The following PRKN variants were observed in gnomAD, a reference collection of about 807,000 sequenced individuals.
PRKN encodes the protein parkin RBR E3 ubiquitin protein ligase, also known as E3 ubiquitin-protein ligase parkin.
Under a neutral mutation model 59.5 loss-of-function variants are expected in PRKN, and 56 were observed. That is an observed-to-expected ratio of 0.94 (90% CI 0.76 to 1.18). PRKN has a LOEUF of 1.18. PRKN is among the 50% of genes most tolerant of loss of function. The probability of loss-of-function intolerance (pLI) is 0.00; values close to 1 mark genes in which losing one functional copy is unlikely to be tolerated. For synonymous variants in PRKN, 250 were observed against 222.1 expected (o/e 1.13, Z -1.12); for missense variants, 657 against 596.4 (o/e 1.10, Z -1.06).
chr6:162,099,449 C>A (rs1240214201), intron 4 of PRKN, among the ~76,000 whole-genome samples: 1 of 152,152 alleles, frequency 6.6e-6, no homozygotes, highest in Admixed American at 6.5e-5. Flanking sequence ...TTCTTCAGAA[C>A]CTATGAATAT....
intron 1 of PRKN, among the ~76,000 whole-genome samples, chr6:162,676,156 A>C (rs960686591): frequency 6.6e-6 from 1 of 152,226 alleles, no homozygotes; most frequent in Non-Finnish European, 1.5e-5. Context: ...CAGTTATCAC[A>C]AAGTCAGAAG....
rs996901468 is a variant in PRKN at position 162,155,926 on chromosome 6, G to A, written c.534+45205C>T. Among the ~76,000 whole-genome samples the A allele has an allele frequency of 2.6e-5, 4 of 152,074 alleles. No homozygotes were observed. The East Asian group carries it at 7.7e-4, about 29-fold the overall frequency. ...CATAGAATAAGGTACAATGTCTAAA[G>A]AATGCAAAAGGATGGAGGAGCCCAG... is the stretch of plus-strand genomic sequence containing the variant. On this transcript the variant is annotated intron_variant, in intron 4 of 11. Coordinates refer to ENST00000366898, the MANE Select transcript of PRKN (RefSeq NM_004562.3).
chr6:161,476,709 C>T (rs1265584121), intron 9 of PRKN, among the ~76,000 whole-genome samples: 1 of 152,184 alleles, frequency 6.6e-6, no homozygotes, highest in Non-Finnish European at 1.5e-5. Context: ...GGTTTAGTCA[C>T]ACAGTGATCG....
At chr6:162,562,102 G>C (rs1362095898) in intron 1 of PRKN, among the ~76,000 whole-genome samples, 1 of 152,094 alleles carries the variant, frequency 6.6e-6, no homozygotes, top group Non-Finnish European at 1.5e-5. Flanking sequence ...TTGGATACTA[G>C]CTTAGCCACA....
At chr6:161,570,146 A>ATATAT (rs1554277876) in intron 7 of PRKN, among the ~76,000 whole-genome samples, 51 of 76,582 alleles carry the variant, frequency 6.7e-4, no homozygotes, top group African/African-American at 3.4e-3. Context: ...AAAAAAAAAA[A>ATATAT]ATATATATAT....
intron 4 of PRKN, among the ~76,000 whole-genome samples, chr6:162,161,229 C>A (rs1286930234): frequency 8.5e-5 from 13 of 152,146 alleles, no homozygotes. Flanking sequence ...ATGCGATCCC[C>A]AGAAATCTAG....
Position 161,575,494 on chromosome 6 carries a change from T to C in PRKN, c.872-6078A>G, listed in dbSNP as rs543473858. On this transcript the variant is annotated intron_variant, in intron 7 of 11. Coordinates refer to ENST00000366898, the MANE Select transcript of PRKN (RefSeq NM_004562.3). The surrounding 1 kb of genome is among the most constrained non-coding windows in gnomAD (Gnocchi z 4.6). ...CGGTGAATTTCCTCAACAATCATGC[T>C]GTAAAGTAGGGAAAACTCATTTGGA... 3.9e-4 allele frequency among the ~76,000 whole-genome samples: 59 copies of C among 152,334 alleles called. No individual in the cohort carries two copies. Among genetic ancestry groups the C allele is most frequent in the Non-Finnish European group, 6.3e-4 (43 of 68,034 alleles).
In PRKN at chr6:161,428,721, T is replaced by C. The variant is rs1416577102; in HGVS notation, c.1084-41844A>G. Among the ~76,000 whole-genome samples, 1 of 152,212 alleles carries C rather than the reference T, an allele frequency of 6.6e-6. No homozygotes were observed. Among genetic ancestry groups the C allele is most frequent in the Non-Finnish European group, 1.5e-5 (1 of 68,036 alleles). The stretch of plus-strand genomic sequence containing the variant: ...CAACCAAAAAAAGCACATTCACATT[T>C]TTTTTCTTTCATTTTTCTGCCTGAG... On this transcript the variant is annotated intron_variant, in intron 9 of 11. Coordinates refer to ENST00000366898, the MANE Select transcript of PRKN (RefSeq NM_004562.3). The surrounding 1 kb of genome is among the most constrained non-coding windows in gnomAD (Gnocchi z 4.0).
In PRKN at chr6:161,471,746, C is replaced by T. The variant is rs989505593; in HGVS notation, c.1083+77108G>A. On this transcript the variant is annotated intron_variant, in intron 9 of 11. Coordinates refer to ENST00000366898, the MANE Select transcript of PRKN (RefSeq NM_004562.3). This position sits in a 1 kb window ranked among gnomAD's most constrained non-coding sequence, Gnocchi z 4.5. Reference sequence around the variant, plus strand: ...AATCCCAGTACTAGAATATATGTAACAGCTATATTGGCTGTGGGAGTTATA... The same window carrying T: ...AATCCCAGTACTAGAATATATGTAATAGCTATATTGGCTGTGGGAGTTATA... Among the ~76,000 whole-genome samples the T allele has an allele frequency of 6.6e-6, 1 of 152,152 alleles. No individual in the cohort carries two copies. Among genetic ancestry groups the T allele is most frequent in the Non-Finnish European group, 1.5e-5 (1 of 68,012 alleles).
At position 161,402,533 on chromosome 6, in the gene PRKN, C is replaced by T. The variant is rs1787095362; in HGVS notation, c.1084-15656G>A. Among the ~76,000 whole-genome samples, 1 of 152,054 alleles carries T rather than the reference C, an allele frequency of 6.6e-6. No individual in the cohort carries two copies. The highest frequency in any genetic ancestry group is 1.5e-5 in the Non-Finnish European group (1 of 68,024). On this transcript the variant is annotated intron_variant, in intron 9 of 11. Coordinates refer to ENST00000366898, the MANE Select transcript of PRKN (RefSeq NM_004562.3). This position sits in a 1 kb window ranked among gnomAD's most constrained non-coding sequence, Gnocchi z 4.5. ...AGACATTCTGGAAGCTGTGGGGGAG[C>T]AAAAGATGGCTTCCCTCTACCCTCC...
At chr6:161,962,800 G>A (rs1780432496) in intron 6 of PRKN, among the ~76,000 whole-genome samples, 1 of 151,820 alleles carries the variant, frequency 6.6e-6, no homozygotes, top group Non-Finnish European at 1.5e-5. Flanking sequence ...CTCCCAAAGT[G>A]CTGGGATTAC....
intron 4 of PRKN, among the ~76,000 whole-genome samples, chr6:162,116,189 A>C (rs1780664974): frequency 6.6e-6 from 1 of 152,192 alleles, no homozygotes; most frequent in South Asian, 2.1e-4. Flanking sequence ...TGATTTAACA[A>C]GCTTTTAAAA....
Position 161,579,256 on chromosome 6 carries a change from A to C in PRKN, c.872-9840T>G, listed in dbSNP as rs192428237. 6.6e-6 allele frequency among the ~76,000 whole-genome samples: 1 copy of C among 152,334 alleles called. No homozygotes were observed. The highest frequency in any genetic ancestry group is 1.9e-4 in the East Asian group (1 of 5,182). Reference sequence around the variant, plus strand: ...CAATGTCTAGTTAACGTTGGGGGAAAGAGAATCTGTGGGACTGTCATCCCC... The same window carrying C: ...CAATGTCTAGTTAACGTTGGGGGAACGAGAATCTGTGGGACTGTCATCCCC... On this transcript the variant is annotated intron_variant, in intron 7 of 11. Transcript: ENST00000366898. This position sits in a 1 kb window ranked among gnomAD's most constrained non-coding sequence, Gnocchi z 4.2.
At chr6:162,129,435 A>C (rs1781253477) in intron 4 of PRKN, among the ~76,000 whole-genome samples, 1 of 152,148 alleles carries the variant, frequency 6.6e-6, no homozygotes, top group African/African-American at 2.4e-5. Context: ...GATGAGGCAG[A>C]ACTAATATGG....
At position 161,386,869 on chromosome 6, in the gene PRKN, G is replaced by A. The variant is rs2114943815; in HGVS notation, c.1092C>T (p.Phe364=). 2.5e-6 allele frequency: 4 copies of A among 1,613,894 alleles called. No individual in the cohort carries two copies. Among genetic ancestry groups the A allele is most frequent in the Non-Finnish European group, 3.4e-6 (4 of 1,179,758 alleles). The change falls in exon 10 of 12, where the codon TTC becomes TTT. Residue 364 remains phenylalanine (F), a synonymous_variant. Coordinates refer to ENST00000366898, the MANE Select transcript of PRKN (RefSeq NM_004562.3). This position sits in a 1 kb window ranked among gnomAD's most constrained non-coding sequence, Gnocchi z 4.3. The part of the protein sequence containing the change: ...GGNGLGCGFA[F]CRECKEAYHE... ...GGTACGCTTCTTTACATTCCCGGCA[G>A]AAGGCAAACTGCAAAAGAACACACA...
At chr6:161,645,098 AT>A (rs1783875140) in intron 7 of PRKN, among the ~76,000 whole-genome samples, 2 of 152,330 alleles carry the variant, frequency 1.3e-5, no homozygotes, top group African/African-American at 4.8e-5. Context: ...ATGGTCCAAT[AT>A]TAGATGGTTA....
chr6:161,811,558 T>C (rs1339830068), intron 6 of PRKN, among the ~76,000 whole-genome samples: 2 of 152,258 alleles, frequency 1.3e-5, no homozygotes, highest in East Asian at 1.9e-4. Flanking sequence ...CATTGTCCCT[T>C]ACATCACACC....
At chr6:161,435,682 T>C (rs1322511268) in intron 9 of PRKN, among the ~76,000 whole-genome samples, 1 of 151,768 alleles carries the variant, frequency 6.6e-6, no homozygotes, top group African/African-American at 2.4e-5. Context: ...TCTCTTGACT[T>C]TTCTGCATCA....
intron 7 of PRKN, among the ~76,000 whole-genome samples, chr6:161,631,315 T>C (rs1783300398): frequency 1.3e-5 from 2 of 152,230 alleles, no homozygotes; most frequent in Admixed American, 6.5e-5. Flanking sequence ...TGCAAAGCAC[T>C]AGAGTACCAA....
Sources: allele counts gnomAD v4.1 joint callset (sites outside exome capture counted in the v4.1 genomes callset), GRCh38; gene constraint gnomAD v4.1.1; non-coding constraint Gnocchi (gnomAD v3.1); transcripts MANE v1.5; gene names NCBI Gene and HGNC (gene_info 2026-07-23, HGNC 2026-07-21).